Variants in TRAF5 observed in about 807,000 individuals in gnomAD.
TRAF5 encodes TNF receptor-associated factor 5.
TRAF5 carries 48 observed loss-of-function variants against 64.5 expected under a neutral mutation model. The observed-to-expected ratio is 0.74, with a 90% CI of 0.59 to 0.95. The LOEUF (loss-of-function observed/expected upper bound fraction) is 0.95. Ranked by LOEUF, TRAF5 falls within the 40% of genes least tolerant of loss-of-function variation. TRAF5 has a pLI of 0.00. For synonymous variants in TRAF5, 206 were observed against 240.5 expected (o/e 0.86, Z 1.33); for missense variants, 545 against 662.8 (o/e 0.82, Z 1.95).
Position 211,369,573 on chromosome 1 carries a change from G to A in TRAF5, c.911G>A (p.Ser304Asn), listed in dbSNP as rs138593370. Reference protein sequence around the residue: ...QFAQLFGKNGSFLPNIQVFAS... With the variant: ...QFAQLFGKNGNFLPNIQVFAS... ...GCACAGTTGTTTGGCAAAAATGGAA[G>A]CTTCCTCCCAAACATCCAGGTAAGA... is the stretch of plus-strand genomic sequence containing the variant. Residue 304 changes from serine to asparagine, a missense_variant, in exon 9 of 11, where the codon AGC becomes AAC. Transcript: ENST00000261464. 2.5e-6 allele frequency: 4 copies of A among 1,590,786 alleles called. No homozygotes were observed. In the African/African-American group the frequency reaches 4.1e-5, roughly 16 times the overall value.
At chr1:211,344,815 A>G (rs1005550560) in intron 1 of TRAF5, among the ~76,000 whole-genome samples, 2 of 152,062 alleles carry the variant, frequency 1.3e-5, no homozygotes, top group Middle Eastern at 3.2e-3. Flanking sequence ...GGCGTGAACA[A>G]TGAACACGGC....
intron 4 of TRAF5, chr1:211,356,865 G>GC (rs1189371145): frequency 1.2e-5 from 2 of 169,568 alleles, no homozygotes; most frequent in Non-Finnish European, 2.5e-5. Context: ...AAAAGCATTT[G>GC]CTCTCTCACT....
chr1:211,333,176 T>TTTTTG (rs1005840337), intron 1 of TRAF5, among the ~76,000 whole-genome samples: 10 of 152,276 alleles, frequency 6.6e-5, no homozygotes, highest in East Asian at 1.9e-4. Flanking sequence ...GCCCTTCTTT[T>TTTTTG]TTTTGTTTTG....
At chr1:211,364,519 C>G (rs571137937) in intron 7 of TRAF5, among the ~76,000 whole-genome samples, 118 of 151,928 alleles carry the variant, frequency 7.8e-4, no homozygotes, top group Non-Finnish European at 1.4e-3. Flanking sequence ...ACCCCCGTCT[C>G]TACTAAAAAT....
At chr1:211,350,846 G>A (rs147988034) in intron 1 of TRAF5, among the ~76,000 whole-genome samples, 1 of 152,204 alleles carries the variant, frequency 6.6e-6, no homozygotes, top group African/African-American at 2.4e-5. Context: ...CTTAACTGCT[G>A]TATCATCACA....
intron 1 of TRAF5, among the ~76,000 whole-genome samples, chr1:211,343,643 C>T (rs1408230945): frequency 2.0e-5 from 3 of 152,128 alleles, no homozygotes; most frequent in African/African-American, 7.2e-5. Flanking sequence ...TGGACATAGC[C>T]TCAGTACTTG....
At chr1:211,358,839 CTATAA>C (rs1303506988) in intron 4 of TRAF5, 25 of 146,518 alleles carry the variant, frequency 1.7e-4, no homozygotes, top group African/African-American at 4.2e-4. Context: ...ATATTAAATA[CTATAA>C]TATATTGTTT....
intron 1 of TRAF5, among the ~76,000 whole-genome samples, chr1:211,341,299 C>A (rs550563722): frequency 6.6e-6 from 1 of 152,110 alleles, no homozygotes; most frequent in African/African-American, 2.4e-5. Context: ...GGAGGAGAAC[C>A]AACAAACACA....
In TRAF5 at chr1:211,369,636, A is replaced by G. The variant is rs143267632; in HGVS notation, c.930+44A>G. 85 of 1,505,124 alleles carry G rather than the reference A, an allele frequency of 5.6e-5. 1 individual carries two copies. The African/African-American group carries it at 9.7e-4, about 17-fold the overall frequency. 93.2% of individuals were successfully genotyped at this position (1,505,124 alleles called of 1,614,324 possible). A position where few individuals can be genotyped will look rare whatever the true frequency, so the allele number is the denominator to read the frequency against. On this transcript the variant is annotated intron_variant, in intron 9 of 10. Transcript: ENST00000261464. ...GTTGAAAGCCAAGATTTGGCTTTCAATTGCAGTGAGAGTTTTTCTTTTAAC... is the reference window on the plus strand; with the variant it reads ...GTTGAAAGCCAAGATTTGGCTTTCAGTTGCAGTGAGAGTTTTTCTTTTAAC...
chr1:211,374,665 A>G lies in TRAF5; in HGVS notation c.*1963A>G, dbSNP rs1254915279. 1 of 152,192 alleles carries G rather than the reference A, an allele frequency of 6.6e-6. No individual in the cohort carries two copies. Among genetic ancestry groups the G allele is most frequent in the Non-Finnish European group, 1.5e-5 (1 of 68,018 alleles). The allele number at this position is 152,192 out of a possible 1,614,324, so 9.4% of individuals were successfully genotyped here. ...ACAAGTCCAGACCCAGGTGCTCTGT[A>G]TGTTTGTTTTTAATATTCATCATAT... is the stretch of plus-strand genomic sequence containing the variant. On this transcript the variant is annotated 3_prime_UTR_variant, in exon 11 of 11. Coordinates refer to ENST00000261464, the MANE Select transcript of TRAF5 (RefSeq NM_001033910.3).
chr1:211,352,766 A>G (rs1702832975), intron 1 of TRAF5, among the ~76,000 whole-genome samples: 2 of 152,214 alleles, frequency 1.3e-5, no homozygotes, highest in South Asian at 2.1e-4. Flanking sequence ...AGCATGTTCA[A>G]TGTCTGGTAA....
chr1:211,337,332 A>G (rs190730889), intron 1 of TRAF5, among the ~76,000 whole-genome samples: 5 of 152,150 alleles, frequency 3.3e-5, no homozygotes, highest in Non-Finnish European at 7.4e-5. Flanking sequence ...CAGGCAGGGG[A>G]AAAGCAAGCA....
intron 1 of TRAF5, among the ~76,000 whole-genome samples, chr1:211,339,053 C>T (rs1243247580): frequency 1.3e-5 from 2 of 152,172 alleles, no homozygotes; most frequent in Admixed American, 1.3e-4. Context: ...CATTTTCTCC[C>T]AGCTGTGACA....
Position 211,333,664 on chromosome 1 carries a change from A to C in TRAF5, c.-2+6775A>C, listed in dbSNP as rs560024153. 1.9e-4 allele frequency among the ~76,000 whole-genome samples: 29 copies of C among 151,408 alleles called. 1 individual carries two copies. Among genetic ancestry groups the C allele is most frequent in the African/African-American group, 6.6e-4 (27 of 41,218 alleles). Reference sequence around the variant, plus strand: ...AGGCACCCACCAGCAGGCCTGGCTAATTTTTGTATTTTTAGTAGAGATGGG... The same window carrying C: ...AGGCACCCACCAGCAGGCCTGGCTACTTTTTGTATTTTTAGTAGAGATGGG... On this transcript the variant is annotated intron_variant, in intron 1 of 10. Coordinates refer to ENST00000261464, the MANE Select transcript of TRAF5 (RefSeq NM_001033910.3).
At chr1:211,370,376 TAA>T (rs1703481388) in intron 9 of TRAF5, among the ~76,000 whole-genome samples, 2 of 75,654 alleles carry the variant, frequency 2.6e-5, no homozygotes, top group Non-Finnish European at 2.7e-5. Context: ...CATTATACAT[TAA>T]ACACACACAC....
At chr1:211,328,103 A>G (rs1702067890) in intron 1 of TRAF5, among the ~76,000 whole-genome samples, 2 of 152,208 alleles carry the variant, frequency 1.3e-5, no homozygotes, top group Non-Finnish European at 2.9e-5. Flanking sequence ...AGGCAGCAAA[A>G]GGCTGGGCTA....
chr1:211,351,264 G>T (rs1558138831), intron 1 of TRAF5, among the ~76,000 whole-genome samples: 1 of 151,708 alleles, frequency 6.6e-6, no homozygotes, highest in East Asian at 1.9e-4. Flanking sequence ...CTGACCTCAT[G>T]ATCCGCCTGC....
chr1:211,358,947 A>G (rs1275702614), intron 4 of TRAF5: 2 of 151,034 alleles, frequency 1.3e-5, no homozygotes, highest in Admixed American at 1.3e-4. Context: ...AAATTAGAGA[A>G]TATTTAAAAT....
chr1:211,336,901 C>T (rs907219903), intron 1 of TRAF5, among the ~76,000 whole-genome samples: 9 of 152,222 alleles, frequency 5.9e-5, no homozygotes, highest in Admixed American at 2.0e-4. Context: ...TCAACTGATC[C>T]GCTCACCTCG....
Sources: gnomAD v4.1 joint callset for allele counts (sites outside exome capture counted in the v4.1 genomes callset) on GRCh38, gnomAD v4.1.1 for gene constraint, MANE v1.5 for transcripts, NCBI Gene and HGNC (gene_info 2026-07-23, HGNC 2026-07-21) for gene names.